The following SPTLC3 variants were observed in gnomAD, a reference collection of about 807,000 sequenced individuals.
SPTLC3 encodes the protein serine palmitoyltransferase long chain base subunit 3.
A neutral mutation model predicts 59.3 loss-of-function variants in SPTLC3; 36 were observed. The observed-to-expected ratio is 0.61, with a 90% CI of 0.47 to 0.80. The LOEUF (loss-of-function observed/expected upper bound fraction) is 0.80, where lower values mean the gene tolerates loss of function less well. SPTLC3 is among the 30% of genes least tolerant of loss of function. The pLI is 0.00. For synonymous variants in SPTLC3, 257 were observed against 240.8 expected, an observed-to-expected ratio of 1.07 and a Z score of -0.62; for missense variants, 625 against 685.1, an observed-to-expected ratio of 0.91 and a Z score of 0.98.
At chr20:13,160,943 C>G (rs2038883944) in intron 11 of SPTLC3, among the ~76,000 whole-genome samples, 1 of 152,124 alleles carries the variant, frequency 6.6e-6, no homozygotes, top group East Asian at 1.9e-4. Flanking sequence ...GAGCATCATT[C>G]AAGACTTCCA....
At chr20:13,119,666 T>C (rs1990791203) in intron 8 of SPTLC3, among the ~76,000 whole-genome samples, 1 of 152,202 alleles carries the variant, frequency 6.6e-6, no homozygotes, top group East Asian at 1.9e-4. Flanking sequence ...TTCTCTTCCC[T>C]TCATGTTACA....
At chr20:13,161,620 G>C (rs140801323) in intron 11 of SPTLC3, among the ~76,000 whole-genome samples, 99 of 152,280 alleles carry the variant, frequency 6.5e-4, no homozygotes, top group African/African-American at 2.3e-3. Flanking sequence ...AAAGTTTCAA[G>C]AAGGAGGAGG....
At chr20:13,133,051 T>A (rs1217349933) in intron 9 of SPTLC3, 1 of 152,400 alleles carries the variant, frequency 6.6e-6, no homozygotes, top group Non-Finnish European at 1.5e-5. Flanking sequence ...CATCATTCTC[T>A]CTCTTTGAAA....
intron 2 of SPTLC3, among the ~76,000 whole-genome samples, chr20:13,063,256 A>G (rs1988042219): frequency 6.6e-6 from 1 of 152,204 alleles, no homozygotes; most frequent in African/African-American, 2.4e-5. Context: ...TCCTTTGCTC[A>G]TAATTTTATT....
chr20:13,114,639 T>G (rs1600304162), intron 7 of SPTLC3, among the ~76,000 whole-genome samples: 1 of 152,356 alleles, frequency 6.6e-6, no homozygotes, highest in East Asian at 1.9e-4. Flanking sequence ...AGTGGTAAAC[T>G]GTCACCTGTA....
At chr20:13,128,354 C>T (rs899227788) in intron 9 of SPTLC3, among the ~76,000 whole-genome samples, 1 of 152,184 alleles carries the variant, frequency 6.6e-6, no homozygotes, top group African/African-American at 2.4e-5. Flanking sequence ...CCCTGTAGAT[C>T]TCAGTGGCTT....
At chr20:13,009,719 C>G (rs1309665491) in intron 1 of SPTLC3, among the ~76,000 whole-genome samples, 2 of 152,090 alleles carry the variant, frequency 1.3e-5, no homozygotes, top group African/African-American at 4.8e-5. Context: ...ATATTTTTGT[C>G]CAAGAGACCT....
At position 13,048,974 on chromosome 20, in the gene SPTLC3, G is replaced by A. The variant is rs778067970; in HGVS notation, c.147G>A (p.Lys49=). Residue 49 remains lysine, a synonymous_variant, in exon 2 of 12, where the codon AAG becomes AAA. Transcript: ENST00000399002. ...ATGGGAAGCCACATTTTTATGATAA[G>A]CTCATTGTTGAATCGTTTGAGGAAG... The part of the protein sequence containing the change: ...QQNGKPHFYD[K]LIVESFEEAP... 1.3e-6 allele frequency: 2 copies of A among 1,581,606 alleles called. No individual in the cohort carries two copies. Among genetic ancestry groups the A allele is most frequent in the East Asian group, 2.2e-5 (1 of 44,478 alleles).
chr20:13,069,749 G>A (rs1988370278), intron 2 of SPTLC3, among the ~76,000 whole-genome samples: 1 of 152,176 alleles, frequency 6.6e-6, no homozygotes, highest in African/African-American at 2.4e-5. Flanking sequence ...TGTGCATCTT[G>A]TAGTTCCAAA....
chr20:13,053,195 G>A (rs958749981), intron 2 of SPTLC3, among the ~76,000 whole-genome samples: 2 of 152,180 alleles, frequency 1.3e-5, no homozygotes, highest in African/African-American at 4.8e-5. Flanking sequence ...TCCAGAGGAA[G>A]GAACAGGCAG....
chr20:13,070,244 G>A (rs902977078), intron 2 of SPTLC3, among the ~76,000 whole-genome samples: 1 of 152,164 alleles, frequency 6.6e-6, no homozygotes, highest in African/African-American at 2.4e-5. Flanking sequence ...ACTTTTAAAT[G>A]TAGAATTGCC....
At chr20:13,121,605 G>A (rs553779419) in intron 8 of SPTLC3, among the ~76,000 whole-genome samples, 1 of 152,212 alleles carries the variant, frequency 6.6e-6, no homozygotes, top group Admixed American at 6.5e-5. Flanking sequence ...AAGAAGACAC[G>A]ACCCAGACTC....
intron 11 of SPTLC3, among the ~76,000 whole-genome samples, chr20:13,164,061 C>T (rs528992169): frequency 9.4e-4 from 143 of 152,230 alleles, no homozygotes; most frequent in African/African-American, 3.3e-3. Flanking sequence ...CCACTCCCCC[C>T]ATCCCACAAC....
At chr20:13,055,473 T>A (rs150192930) in intron 2 of SPTLC3, among the ~76,000 whole-genome samples, 1 of 152,130 alleles carries the variant, frequency 6.6e-6, no homozygotes, top group Non-Finnish European at 1.5e-5. Context: ...CAGGTACAAG[T>A]AACTAATGCA....
In SPTLC3 at chr20:13,009,231, A is replaced by G. The variant is rs772662069; in HGVS notation, c.-37A>G. On this transcript the variant is annotated 5_prime_UTR_variant, in exon 1 of 12. Transcript: ENST00000399002. ...AAACTAAAGCCTGCAGAGACCTCTGAAGGAAAACCTGTCCCGGGCTCTGTC... is the reference window on the plus strand; with the variant it reads ...AAACTAAAGCCTGCAGAGACCTCTGGAGGAAAACCTGTCCCGGGCTCTGTC... 3 of 1,574,310 alleles carry G rather than the reference A, an allele frequency of 1.9e-6. No individual in the cohort carries two copies. In the South Asian group the frequency reaches 3.3e-5, roughly 17 times the overall value.
intron 4 of SPTLC3, among the ~76,000 whole-genome samples, chr20:13,083,679 G>C (rs972429215): frequency 2.6e-4 from 40 of 152,166 alleles, no homozygotes; most frequent in Admixed American, 2.6e-3. Flanking sequence ...AATTATTCAA[G>C]TTCCTTTTTT....
chr20:13,118,644 A>G (rs743092), intron 8 of SPTLC3, among the ~76,000 whole-genome samples: 95,628 of 151,908 alleles, frequency 0.63, 30,310 homozygotes, highest in Admixed American at 0.73. Flanking sequence ...CAAAGAGCAG[A>G]TGTGACAGTG....
intron 2 of SPTLC3, among the ~76,000 whole-genome samples, chr20:13,057,737 C>T (rs1031937325): frequency 6.6e-5 from 10 of 152,114 alleles, no homozygotes; most frequent in Admixed American, 3.9e-4. Flanking sequence ...TGCTTAAATG[C>T]GACTCTTTAG....
At chr20:13,116,535 T>G (rs1357804914) in intron 7 of SPTLC3, among the ~76,000 whole-genome samples, 1 of 152,184 alleles carries the variant, frequency 6.6e-6, no homozygotes, top group Non-Finnish European at 1.5e-5. Flanking sequence ...GACTACATTT[T>G]TTTCCCTTTG....
Sources: gnomAD v4.1 joint callset for allele counts (sites outside exome capture counted in the v4.1 genomes callset) on GRCh38, gnomAD v4.1.1 for gene constraint, MANE v1.5 for transcripts, NCBI Gene and HGNC (gene_info 2026-07-23, HGNC 2026-07-21) for gene names.